FAT3: variants seen among roughly 807,000 people sequenced by gnomAD.
FAT3 encodes FAT atypical cadherin 3.
Under a neutral mutation model 310.2 loss-of-function variants are expected in FAT3, and 95 were observed. That is an observed-to-expected ratio of 0.31 (90% confidence interval 0.26 to 0.36). FAT3 has a LOEUF of 0.36. Among genes scored for constraint, FAT3 ranks in the 10% least tolerant of loss-of-function variants. The pLI is 1.00. For missense variants in FAT3, 5,408 were observed against 5,715.6 expected, an observed-to-expected ratio of 0.95 and a Z score of 1.74; for synonymous variants, 2,314 against 2,192.9, an observed-to-expected ratio of 1.06 and a Z score of -1.54.
intron 3 of FAT3, among the ~76,000 whole-genome samples, chr11:92,560,419 G>T (rs1955181217): frequency 6.6e-6 from 1 of 151,750 alleles, no homozygotes; most frequent in Admixed American, 6.6e-5. Context: ...AAGAACAATG[G>T]GTTTTCATTT....
intron 13 of FAT3, among the ~76,000 whole-genome samples, chr11:92,820,199 G>A (rs144450304): frequency 6.6e-6 from 1 of 152,264 alleles, no homozygotes; most frequent in Non-Finnish European, 1.5e-5. Flanking sequence ...TCTGGAGTCT[G>A]GGAATTTAAG....
At chr11:92,402,579 A>C (rs925256551) in intron 2 of FAT3, among the ~76,000 whole-genome samples, 2 of 151,852 alleles carry the variant, frequency 1.3e-5, no homozygotes, top group African/African-American at 4.8e-5. Flanking sequence ...AAAAATACAA[A>C]AAAATTAGCT....
intron 2 of FAT3, among the ~76,000 whole-genome samples, chr11:92,520,756 T>G (rs2135347082): frequency 6.6e-6 from 1 of 152,246 alleles, no homozygotes; most frequent in South Asian, 2.1e-4. Context: ...TTAACACATT[T>G]CAGACTCAGT....
At chr11:92,727,801 C>T (rs1233422882) in intron 4 of FAT3, among the ~76,000 whole-genome samples, 2 of 152,240 alleles carry the variant, frequency 1.3e-5, no homozygotes, top group South Asian at 2.1e-4. Flanking sequence ...TTCTCTCTCA[C>T]GGCTTACCTG....
intron 7 of FAT3, among the ~76,000 whole-genome samples, chr11:92,775,731 A>G (rs1046421894): frequency 6.6e-6 from 1 of 152,222 alleles, no homozygotes; most frequent in Non-Finnish European, 1.5e-5. Flanking sequence ...AACCAAAATT[A>G]GTTTTCTAAA....
chr11:92,571,679 C>T (rs1419367638), intron 3 of FAT3, among the ~76,000 whole-genome samples: 1 of 152,216 alleles, frequency 6.6e-6, no homozygotes, highest in Non-Finnish European at 1.5e-5. Flanking sequence ...CGCATAGCCA[C>T]TCACATTTCT....
intron 4 of FAT3, among the ~76,000 whole-genome samples, chr11:92,726,909 A>T (rs2135987498): frequency 6.6e-6 from 1 of 152,174 alleles, no homozygotes; most frequent in South Asian, 2.1e-4. Flanking sequence ...ACACTATCAC[A>T]TTTACCTTAC....
chr11:92,276,818 G>A (rs990870831), intron 1 of FAT3, among the ~76,000 whole-genome samples: 1 of 152,124 alleles, frequency 6.6e-6, no homozygotes, highest in African/African-American at 2.4e-5. Context: ...TTGTTATGTG[G>A]CATTACTGTG....
At chr11:92,830,955 C>A (rs1051096128) in intron 13 of FAT3, among the ~76,000 whole-genome samples, 18 of 152,222 alleles carry the variant, frequency 1.2e-4, no homozygotes, top group Non-Finnish European at 2.2e-4. Flanking sequence ...CCGACACCAT[C>A]TGCCTTGTTC....
intron 3 of FAT3, among the ~76,000 whole-genome samples, chr11:92,693,526 C>G (rs1282163226): frequency 6.6e-6 from 1 of 152,096 alleles, no homozygotes; most frequent in Non-Finnish European, 1.5e-5. Flanking sequence ...CTATTTGTTC[C>G]AAATGCATTC....
intron 21 of FAT3, among the ~76,000 whole-genome samples, chr11:92,864,693 T>G (rs1949195940): frequency 6.6e-6 from 1 of 152,078 alleles, no homozygotes. Context: ...GGCGCTTGCC[T>G]GTAATCCCAG....
intron 2 of FAT3, among the ~76,000 whole-genome samples, chr11:92,485,986 G>A (rs759502966): frequency 1.3e-5 from 2 of 152,054 alleles, no homozygotes; most frequent in African/African-American, 2.4e-5. Context: ...CATGAACCTA[G>A]ATTTCATACA....
chr11:92,460,356 C>A (rs1303581973), intron 2 of FAT3, among the ~76,000 whole-genome samples: 1 of 152,156 alleles, frequency 6.6e-6, no homozygotes, highest in Admixed American at 6.5e-5. Flanking sequence ...TGAAGCATAG[C>A]CATGATCCCT....
At chr11:92,723,582 G>A (rs1591649949) in intron 4 of FAT3, among the ~76,000 whole-genome samples, 1 of 152,084 alleles carries the variant, frequency 6.6e-6, no homozygotes, top group Non-Finnish European at 1.5e-5. Flanking sequence ...CCAATTTACT[G>A]TATTAGTCTG....
At chr11:92,543,117 TA>T (rs1342464959) in intron 3 of FAT3, among the ~76,000 whole-genome samples, 1 of 152,062 alleles carries the variant, frequency 6.6e-6, no homozygotes, top group Non-Finnish European at 1.5e-5. Context: ...ATGGTGAATC[TA>T]AAAAAGTTGA....
intron 1 of FAT3, among the ~76,000 whole-genome samples, chr11:92,233,153 A>G (rs893814180): frequency 2.0e-5 from 3 of 152,216 alleles, no homozygotes; most frequent in African/African-American, 4.8e-5. Context: ...CAAGTGAGGT[A>G]GGGAGAAACA....
Position 92,480,378 on chromosome 11 carries a change from G to A in FAT3, c.3293-44256G>A, listed in dbSNP as rs184502466. On this transcript the variant is annotated intron_variant, in intron 2 of 27. Transcript: ENST00000525166. ...GTATATTTTGGAGTCGGCCACCTCT[G>A]TGTACCTCAAATTATGGAAGAAACA... Among the ~76,000 whole-genome samples the A allele has an allele frequency of 3.3e-5, 5 of 152,280 alleles. No homozygotes were observed. In the East Asian group the frequency reaches 7.7e-4, roughly 24 times the overall value.
At chr11:92,318,004 CAT>C (rs936805073) in intron 1 of FAT3, among the ~76,000 whole-genome samples, 1 of 152,126 alleles carries the variant, frequency 6.6e-6, no homozygotes, top group Non-Finnish European at 1.5e-5. Context: ...TAGCAGAAAT[CAT>C]ATGTCTTCAC....
rs1348868655 is a variant in FAT3 at position 92,838,052 on chromosome 11, C to T, written c.10368+246C>T. Among the ~76,000 whole-genome samples, 3 of 152,114 alleles carry T rather than the reference C, an allele frequency of 2.0e-5. No homozygotes were observed. In the East Asian group the frequency reaches 5.8e-4, roughly 29 times the overall value. ...TGCACTCTGTCTCTCCCCACAACAACACTGTGAAGAGGGATGGTGGATTGG... is the reference window on the plus strand; with the variant it reads ...TGCACTCTGTCTCTCCCCACAACAATACTGTGAAGAGGGATGGTGGATTGG... On this transcript the variant is annotated intron_variant, in intron 17 of 27. Coordinates refer to ENST00000525166, the MANE Select transcript of FAT3 (RefSeq NM_001367949.2).
Sources: gnomAD v4.1 joint callset for allele counts (sites outside exome capture counted in the v4.1 genomes callset) on GRCh38, gnomAD v4.1.1 for gene constraint, MANE v1.5 for transcripts, NCBI Gene and HGNC (gene_info 2026-07-23, HGNC 2026-07-21) for gene names.